QTGAL: variants seen among roughly 807,000 people sequenced by gnomAD.
The protein encoded by QTGAL is BGnT-like protein 1.
chr17:83,043,758 C>A, the QTGAL span, among the ~76,000 whole-genome samples: 1 of 151,980 alleles, frequency 6.6e-6, no homozygotes, highest in Non-Finnish European at 1.5e-5. Context: ...ACAAACCCAG[C>A]TAGACTGAGA....
At chr17:83,021,236 A>G in the QTGAL span, among the ~76,000 whole-genome samples, 3 of 152,198 alleles carry the variant, frequency 2.0e-5, no homozygotes, top group Admixed American at 1.3e-4. Context: ...AACTGAACCA[A>G]GAACGCGGAA....
the QTGAL span, among the ~76,000 whole-genome samples, chr17:82,978,025 G>A: frequency 6.6e-6 from 1 of 152,268 alleles, no homozygotes; most frequent in East Asian, 1.9e-4. This position sits in a 1 kb window ranked among gnomAD's most constrained non-coding sequence, Gnocchi z 4.8. Flanking sequence ...GTCACCATGC[G>A]ACCCGGGCCA....
chr17:82,946,908 T>A, the QTGAL span: 1 of 1,565,852 alleles, frequency 6.4e-7, no homozygotes, highest in Non-Finnish European at 8.7e-7. Flanking sequence ...GTCCGTCAGC[T>A]GAAGTGAAGG....
At chr17:83,047,723 A>G in the QTGAL span, among the ~76,000 whole-genome samples, 1 of 149,074 alleles carries the variant, frequency 6.7e-6, no homozygotes, top group South Asian at 2.1e-4. Context: ...ATCCCTACCA[A>G]AGAATAAGAA....
the QTGAL span, among the ~76,000 whole-genome samples, chr17:82,951,336 C>CT: frequency 1.3e-4 from 20 of 152,244 alleles, no homozygotes; most frequent in Non-Finnish European, 2.9e-5. Context: ...GAGACGGCTT[C>CT]TTTCCTTAAG....
At chr17:83,042,818 T>C in the QTGAL span, among the ~76,000 whole-genome samples, 1 of 152,140 alleles carries the variant, frequency 6.6e-6, no homozygotes, top group Non-Finnish European at 1.5e-5. Context: ...TCACTTCAGA[T>C]CCAAAGGCAC....
chr17:82,969,983 A>G, the QTGAL span, among the ~76,000 whole-genome samples: 39 of 152,316 alleles, frequency 2.6e-4, no homozygotes, highest in Middle Eastern at 3.4e-3. Flanking sequence ...CCTGGCCAAA[A>G]ATTAAAAAAA....
the QTGAL span, among the ~76,000 whole-genome samples, chr17:83,034,329 CT>C: frequency 6.6e-6 from 1 of 152,222 alleles, no homozygotes; most frequent in African/African-American, 2.4e-5. Flanking sequence ...CCCAGTTTAT[CT>C]TCATTTTGCT....
At chr17:83,013,735 G>A in the QTGAL span, among the ~76,000 whole-genome samples, 1 of 152,096 alleles carries the variant, frequency 6.6e-6, no homozygotes, top group African/African-American at 2.4e-5. Flanking sequence ...GCCTGTCCAG[G>A]GTGAGCGCCA....
the QTGAL span, among the ~76,000 whole-genome samples, chr17:82,966,202 C>T: frequency 6.6e-6 from 1 of 151,858 alleles, no homozygotes; most frequent in African/African-American, 2.4e-5. Context: ...TAGGCGCACA[C>T]CACCGTGCCT....
At chr17:82,973,665 C>T in the QTGAL span, among the ~76,000 whole-genome samples, 2 of 152,116 alleles carry the variant, frequency 1.3e-5, no homozygotes, top group Non-Finnish European at 2.9e-5. Flanking sequence ...AAGCCTACAC[C>T]GCGGGAACCA....
the QTGAL span, chr17:83,006,167 A>C: frequency 1.0e-6 from 1 of 986,382 alleles, no homozygotes; most frequent in South Asian, 4.7e-5. This position sits in a 1 kb window ranked among gnomAD's most constrained non-coding sequence, Gnocchi z 5.8. Flanking sequence ...ACAAGGAGAC[A>C]ATAGTGAAAA....
chr17:83,007,855 T>A, the QTGAL span, among the ~76,000 whole-genome samples: 16 of 152,314 alleles, frequency 1.1e-4, no homozygotes, highest in Non-Finnish European at 1.9e-4. Flanking sequence ...CATTGGTCTA[T>A]AAACGGAGGA....
At chr17:82,992,860 C>T in the QTGAL span, among the ~76,000 whole-genome samples, 1 of 152,000 alleles carries the variant, frequency 6.6e-6, no homozygotes, top group Non-Finnish European at 1.5e-5. Flanking sequence ...TTTTTGCTTG[C>T]ATGTTTGTTT....
the QTGAL span, among the ~76,000 whole-genome samples, chr17:82,959,175 A>C: frequency 1.3e-5 from 2 of 151,806 alleles, no homozygotes; most frequent in Non-Finnish European, 2.9e-5. Flanking sequence ...GCATGTGTAC[A>C]TGAGCACGTG....
chr17:83,051,751 T>G, the QTGAL span: 10 of 1,497,480 alleles, frequency 6.7e-6, no homozygotes, highest in Non-Finnish European at 8.8e-6. Context: ...TGGGCCTGCA[T>G]GGCCTGGCTC....
chr17:83,010,705 G>C, the QTGAL span, among the ~76,000 whole-genome samples: 1 of 152,266 alleles, frequency 6.6e-6, no homozygotes, highest in Non-Finnish European at 1.5e-5. Context: ...GCAGCTTCTT[G>C]TGGGGGCAGA....
the QTGAL span, among the ~76,000 whole-genome samples, chr17:82,963,441 A>C: frequency 6.6e-6 from 1 of 152,214 alleles, no homozygotes; most frequent in Non-Finnish European, 1.5e-5. Flanking sequence ...AGGGACATGA[A>C]GTCCAGCAGA....
chr17:83,005,074 G>T, the QTGAL span: 1 of 1,516,046 alleles, frequency 6.6e-7, no homozygotes, highest in Non-Finnish European at 9.0e-7. The surrounding 1 kb of genome is among the most constrained non-coding windows in gnomAD (Gnocchi z 5.6). Flanking sequence ...GCCCAGAGGC[G>T]ACCTGTGCAC....
Sources: gnomAD v4.1 joint callset for allele counts (sites outside exome capture counted in the v4.1 genomes callset) on GRCh38, gnomAD v4.1.1 for gene constraint, Gnocchi (gnomAD v3.1) non-coding constraint, MANE v1.5 for transcripts, NCBI Gene and HGNC (gene_info 2026-07-23, HGNC 2026-07-21) for gene names.